Variants in PARVA observed in about 807,000 individuals in gnomAD.
PARVA encodes the protein parvin alpha.
PARVA carries 25 observed loss-of-function variants against 52.6 expected under a neutral mutation model. The observed-to-expected ratio is 0.48, with a 90% CI of 0.35 to 0.66. The LOEUF (loss-of-function observed/expected upper bound fraction) is 0.66. Among genes scored for constraint, PARVA ranks in the 30% least tolerant of loss-of-function variants. PARVA has a pLI of 0.01. For synonymous variants in PARVA, 185 were observed against 179.1 expected (o/e 1.03, Z -0.26); for missense variants, 373 against 450.9 (o/e 0.83, Z 1.56).
chr11:12,379,432 C>G (rs1416887525), intron 1 of PARVA, among the ~76,000 whole-genome samples: 1 of 152,130 alleles, frequency 6.6e-6, no homozygotes, highest in Non-Finnish European at 1.5e-5. Context: ...TGTCTTTTCT[C>G]TATGCTAGAC....
At chr11:12,421,065 C>T (rs1940142194) in intron 1 of PARVA, among the ~76,000 whole-genome samples, 1 of 127,718 alleles carries the variant, frequency 7.8e-6, no homozygotes, top group Admixed American at 8.5e-5. Context: ...AAAGGTGATA[C>T]TACCATGATT....
intron 3 of PARVA, 81 bp from the exon 4 acceptor site, chr11:12,477,766 A>G: frequency 1.3e-6 from 1 of 758,618 alleles, no homozygotes; most frequent in East Asian, 2.5e-5. Context: ...TTAATTGTTT[A>G]GGATAAGAAA....
intron 4 of PARVA, among the ~76,000 whole-genome samples, chr11:12,484,904 C>T (rs183238113): frequency 6.9e-4 from 105 of 151,590 alleles, no homozygotes; most frequent in African/African-American, 2.4e-3. Flanking sequence ...CCTTGACCTC[C>T]CTGGGCTCAG....
At chr11:12,459,601 G>A (rs904818914) in intron 1 of PARVA, among the ~76,000 whole-genome samples, 2 of 151,992 alleles carry the variant, frequency 1.3e-5, no homozygotes, top group Non-Finnish European at 2.9e-5. Flanking sequence ...CTACCTAAAC[G>A]TTCAACAGTT....
At chr11:12,450,369 C>T (rs1348707223) in intron 1 of PARVA, among the ~76,000 whole-genome samples, 1 of 152,166 alleles carries the variant, frequency 6.6e-6, no homozygotes, top group African/African-American at 2.4e-5. Flanking sequence ...TGTCTGTTTT[C>T]CCCACTGCAC....
chr11:12,509,625 C>T (rs911103749), intron 7 of PARVA, among the ~76,000 whole-genome samples: 2 of 152,190 alleles, frequency 1.3e-5, no homozygotes, highest in Non-Finnish European at 2.9e-5. Context: ...CATGGCTTAA[C>T]AAGGACTAAG....
At chr11:12,387,514 C>G (rs1939589352) in intron 1 of PARVA, among the ~76,000 whole-genome samples, 1 of 151,832 alleles carries the variant, frequency 6.6e-6, no homozygotes, top group Non-Finnish European at 1.5e-5. Flanking sequence ...TTGGATGACT[C>G]TTCCAGTCCC....
At chr11:12,381,318 T>C (rs1939482848) in intron 1 of PARVA, among the ~76,000 whole-genome samples, 1 of 152,186 alleles carries the variant, frequency 6.6e-6, no homozygotes, top group South Asian at 2.1e-4. Context: ...TCTGCCTTCT[T>C]CAACTTTCTC....
At chr11:12,518,572 A>C (rs1366985796) in intron 12 of PARVA, 55 bp downstream of exon 12, 10 of 1,252,380 alleles carry the variant, frequency 8.0e-6, no homozygotes, top group Non-Finnish European at 1.2e-5. Context: ...CTCCCTGCAC[A>C]TGAGTACTCA....
chr11:12,511,716 CT>C (rs1248827270), intron 8 of PARVA, among the ~76,000 whole-genome samples, 183 bp downstream of exon 8: 1 of 146,580 alleles, frequency 6.8e-6, no homozygotes, highest in Admixed American at 6.9e-5. Flanking sequence ...CTACCTACAC[CT>C]GCACAGTTGT....
At chr11:12,491,210 T>C (rs547899619) in intron 4 of PARVA, among the ~76,000 whole-genome samples, 1 of 152,334 alleles carries the variant, frequency 6.6e-6, no homozygotes, top group East Asian at 1.9e-4. Context: ...TTACCCAGGC[T>C]GGAGTACAGT....
chr11:12,498,421 C>T (rs143292915), intron 5 of PARVA, among the ~76,000 whole-genome samples: 1,715 of 152,272 alleles, frequency 0.011, 25 homozygotes, highest in African/African-American at 0.035. Context: ...ACTTTAATTT[C>T]TTACGGGGAA....
At chr11:12,444,642 G>A (rs1261369235) in intron 1 of PARVA, among the ~76,000 whole-genome samples, 1 of 151,870 alleles carries the variant, frequency 6.6e-6, no homozygotes. Flanking sequence ...TGCCCAGTCT[G>A]GTCTCAAACT....
chr11:12,417,259 G>T lies in PARVA; in HGVS notation c.136+39476G>T, dbSNP rs180985291. ...CATTGTTCACACTTGTGAAAAACTT[G>T]AAATAAACTATAAGTCTAATATGAA... On this transcript the variant is annotated intron_variant, in intron 1 of 12. Transcript: ENST00000334956. 2.0e-5 allele frequency among the ~76,000 whole-genome samples: 3 copies of T among 152,222 alleles called. No individual in the cohort carries two copies. In the East Asian group the frequency reaches 5.8e-4, roughly 29 times the overall value.
intron 1 of PARVA, among the ~76,000 whole-genome samples, chr11:12,452,052 C>T (rs1940630005): frequency 1.3e-5 from 2 of 152,072 alleles, no homozygotes; most frequent in East Asian, 2.0e-4. Flanking sequence ...CCTGCCACCA[C>T]CACCCTGCAG....
chr11:12,465,282 G>A (rs928162617), intron 1 of PARVA, among the ~76,000 whole-genome samples: 1 of 152,134 alleles, frequency 6.6e-6, no homozygotes. Flanking sequence ...TTTGCCATGT[G>A]CTGCCTCAGG....
intron 4 of PARVA, among the ~76,000 whole-genome samples, chr11:12,483,120 A>C (rs192594651): frequency 5.3e-5 from 8 of 152,328 alleles, no homozygotes; most frequent in African/African-American, 1.9e-4. Context: ...CCTTCCTTGC[A>C]GGAAAATCAC....
At chr11:12,438,475 T>C (rs1025031442) in intron 1 of PARVA, among the ~76,000 whole-genome samples, 13 of 152,124 alleles carry the variant, frequency 8.5e-5, no homozygotes, top group Non-Finnish European at 1.6e-4. Context: ...AATCCACTCC[T>C]GCAATAATGG....
At chr11:12,415,570 C>G (rs1352187803) in intron 1 of PARVA, among the ~76,000 whole-genome samples, 4 of 152,038 alleles carry the variant, frequency 2.6e-5, no homozygotes, top group Non-Finnish European at 1.5e-5. Context: ...AGACTTTACT[C>G]TCAAGGGGAA....
Sources: allele counts gnomAD v4.1 joint callset (sites outside exome capture counted in the v4.1 genomes callset), GRCh38; gene constraint gnomAD v4.1.1; transcripts MANE v1.5; gene names NCBI Gene and HGNC (gene_info 2026-07-23, HGNC 2026-07-21).